Variants in RBMS3 observed in about 807,000 individuals in gnomAD.
RBMS3 encodes the protein RNA-binding motif, single-stranded-interacting protein 3.
RBMS3 carries 27 observed loss-of-function variants against 66.8 expected under a neutral mutation model. That is an observed-to-expected ratio of 0.40 (90% confidence interval 0.30 to 0.56). The LOEUF is 0.56. Ranked by LOEUF, RBMS3 falls within the 20% of genes least tolerant of loss-of-function variation. The probability of loss-of-function intolerance (pLI) is 0.40; values close to 1 mark genes in which losing one functional copy is unlikely to be tolerated. For missense variants in RBMS3, 513 were observed against 549.5 expected (o/e 0.93, Z 0.66); for synonymous variants, 188 against 183.0 (o/e 1.03, Z -0.22).
intron 3 of RBMS3, among the ~76,000 whole-genome samples, chr3:29,508,517 C>A (rs747314071): frequency 2.0e-5 from 3 of 152,120 alleles, no homozygotes; most frequent in Admixed American, 6.5e-5. Context: ...CATGTCCCTG[C>A]AAAGGACATG....
chr3:29,580,682 TATAATA>T (rs5847581), intron 3 of RBMS3, among the ~76,000 whole-genome samples: 27,654 of 147,590 alleles, frequency 0.19, 2,948 homozygotes, highest in African/African-American at 0.3. Context: ...AATTTAATAA[TATAATA>T]ATAATAATAA....
intron 8 of RBMS3, among the ~76,000 whole-genome samples, chr3:29,894,562 G>A (rs1444172304): frequency 6.6e-6 from 1 of 151,354 alleles, no homozygotes; most frequent in Non-Finnish European, 1.5e-5. Context: ...TTTCATTAAG[G>A]CCCCACGCTT....
intron 3 of RBMS3, among the ~76,000 whole-genome samples, chr3:29,554,435 G>T (rs570502155): frequency 6.6e-6 from 1 of 152,222 alleles, no homozygotes; most frequent in East Asian, 1.9e-4. Context: ...TTAAAAGGAG[G>T]CAGACATAAC....
intron 3 of RBMS3, among the ~76,000 whole-genome samples, chr3:29,586,173 C>T (rs2047514626): frequency 6.6e-6 from 1 of 152,036 alleles, no homozygotes; most frequent in South Asian, 2.1e-4. Flanking sequence ...GCTTGTTAAG[C>T]ATGCCAAACA....
chr3:29,520,689 A>C (rs2148972702), intron 3 of RBMS3, among the ~76,000 whole-genome samples: 1 of 152,280 alleles, frequency 6.6e-6, no homozygotes, highest in African/African-American at 2.4e-5. Flanking sequence ...AATTAATATG[A>C]AGGATGTATT....
chr3:29,629,788 A>G (rs1253097783), intron 4 of RBMS3, among the ~76,000 whole-genome samples: 5 of 152,102 alleles, frequency 3.3e-5, no homozygotes, highest in Non-Finnish European at 5.9e-5. Flanking sequence ...AAACTAATTC[A>G]CAGCTTAAAA....
At chr3:29,389,703 G>A (rs894509449) in intron 1 of RBMS3, among the ~76,000 whole-genome samples, 1 of 152,174 alleles carries the variant, frequency 6.6e-6, no homozygotes, top group African/African-American at 2.4e-5. Context: ...CTGGGACTAG[G>A]GAAGTGGGCC....
At chr3:29,487,527 C>T (rs2043368226) in intron 2 of RBMS3, among the ~76,000 whole-genome samples, 1 of 152,048 alleles carries the variant, frequency 6.6e-6, no homozygotes, top group African/African-American at 2.4e-5. Flanking sequence ...AGAATCTTTA[C>T]CCCCTTCCAC....
intron 6 of RBMS3, among the ~76,000 whole-genome samples, chr3:29,785,432 C>T (rs1048401071): frequency 1.3e-5 from 2 of 151,956 alleles, no homozygotes; most frequent in African/African-American, 4.8e-5. Context: ...CTAGAAAAAA[C>T]AATCCTAAAA....
intron 1 of RBMS3, among the ~76,000 whole-genome samples, chr3:29,289,249 A>G (rs2032620926): frequency 6.6e-6 from 1 of 151,904 alleles, no homozygotes; most frequent in Admixed American, 6.6e-5. Context: ...CTGAACTGTT[A>G]AGAGAAGGGT....
intron 10 of RBMS3, chr3:29,903,070 T>C (rs1245229000): frequency 6.6e-6 from 1 of 151,964 alleles, no homozygotes; most frequent in Non-Finnish European, 1.5e-5. Flanking sequence ...TTCTAAAGTT[T>C]GCCATTTAAG....
chr3:29,485,641 T>C (rs2043292379), intron 2 of RBMS3, among the ~76,000 whole-genome samples: 1 of 152,182 alleles, frequency 6.6e-6, no homozygotes, highest in Non-Finnish European at 1.5e-5. Flanking sequence ...TTTATTTCCC[T>C]TGAAAAGTTC....
intron 7 of RBMS3, among the ~76,000 whole-genome samples, chr3:29,871,823 T>A (rs935131847): frequency 3.3e-5 from 5 of 152,162 alleles, no homozygotes; most frequent in Non-Finnish European, 7.4e-5. Flanking sequence ...CTAATTAAAA[T>A]TTTAATTTAC....
At chr3:29,660,508 G>T (rs944145140) in intron 4 of RBMS3, among the ~76,000 whole-genome samples, 1 of 152,154 alleles carries the variant, frequency 6.6e-6, no homozygotes, top group Non-Finnish European at 1.5e-5. Flanking sequence ...TAATTGGAGA[G>T]CTTAATTCGT....
chr3:29,572,048 A>C (rs780976648), intron 3 of RBMS3, among the ~76,000 whole-genome samples: 13 of 152,204 alleles, frequency 8.5e-5, no homozygotes, highest in Admixed American at 5.2e-4. Flanking sequence ...AGTAGGTGGA[A>C]TTACTTTTTA....
chr3:29,758,096 G>A (rs1046056832), intron 5 of RBMS3, among the ~76,000 whole-genome samples: 1 of 152,206 alleles, frequency 6.6e-6, no homozygotes, highest in East Asian at 1.9e-4. Flanking sequence ...ATACCACAGA[G>A]GTGAAACACC....
At chr3:29,906,010 G>A (rs2060367509) in intron 10 of RBMS3, among the ~76,000 whole-genome samples, 1 of 151,818 alleles carries the variant, frequency 6.6e-6, no homozygotes, top group South Asian at 2.1e-4. Flanking sequence ...ATTATATATT[G>A]ACTTATGGGA....
chr3:29,764,304 G>T (rs150972790), intron 6 of RBMS3, among the ~76,000 whole-genome samples: 1 of 152,130 alleles, frequency 6.6e-6, no homozygotes, highest in African/African-American at 2.4e-5. Flanking sequence ...TCCAATTGGA[G>T]ACATATGGTG....
chr3:29,699,635 CGTAA>C (rs1170414160), intron 4 of RBMS3, among the ~76,000 whole-genome samples: 2 of 152,120 alleles, frequency 1.3e-5, no homozygotes, highest in Admixed American at 6.5e-5. Flanking sequence ...AACATTGTGA[CGTAA>C]GTATTACCTA....
Sources: gnomAD v4.1 joint callset for allele counts (sites outside exome capture counted in the v4.1 genomes callset) on GRCh38, gnomAD v4.1.1 for gene constraint, MANE v1.5 for transcripts, NCBI Gene and HGNC (gene_info 2026-07-23, HGNC 2026-07-21) for gene names.